Variants in SLC44A1 observed in about 807,000 individuals in gnomAD.
SLC44A1 encodes the protein solute carrier family 44 member 1.
SLC44A1 carries 26 observed loss-of-function variants against 79.3 expected under a neutral mutation model. The observed-to-expected ratio is 0.33, with a 90% CI of 0.24 to 0.46. The LOEUF (loss-of-function observed/expected upper bound fraction) is 0.46. Ranked by LOEUF, SLC44A1 falls within the 20% of genes least tolerant of loss-of-function variation. The pLI, the probability that SLC44A1 is intolerant of heterozygous loss-of-function variation, is 1.00. For synonymous variants in SLC44A1, 263 were observed against 286.2 expected (o/e 0.92, Z 0.82); for missense variants, 688 against 798.1 (o/e 0.86, Z 1.66).
chr9:105,244,797 G>GCCCGATACCTCTC lies in SLC44A1; in HGVS notation c.-72_-71insCCCGATACCTCTC. The GCCCGATACCTCTC allele has an allele frequency of 1.0e-6, 1 of 1,001,114 alleles. No homozygotes were observed. Among genetic ancestry groups the GCCCGATACCTCTC allele is most frequent in the Non-Finnish European group, 1.2e-6 (1 of 809,214 alleles). The allele number at this position is 1,001,114 out of a possible 1,614,324, so 62.0% of individuals were successfully genotyped here. A position where few individuals can be genotyped will look rare whatever the true frequency, so the allele number is the denominator to read the frequency against. The stretch of plus-strand genomic sequence containing the variant: ...GCCGCGCCCTCCCCGGGCGCCCGCC[G>GCCCGATACCTCTC]GCTCGCATGCCGAGGGGCTCCGGGG... On this transcript the variant is annotated 5_prime_UTR_variant, in exon 1 of 16. Transcript: ENST00000374720.
At chr9:105,434,721 C>T (rs1829442029) in intron 15 of SLC44A1, among the ~76,000 whole-genome samples, 1 of 152,234 alleles carries the variant, frequency 6.6e-6, no homozygotes, top group East Asian at 1.9e-4. Flanking sequence ...TAGATTATGC[C>T]GTGAGTTTTC....
intron 3 of SLC44A1, among the ~76,000 whole-genome samples, chr9:105,311,417 A>AT (rs1223019150): frequency 2.6e-5 from 4 of 152,154 alleles, no homozygotes; most frequent in African/African-American, 9.7e-5. Flanking sequence ...GATTGGAATC[A>AT]TTTTTATGGC....
At chr9:105,301,973 A>C (rs2131293581) in intron 2 of SLC44A1, among the ~76,000 whole-genome samples, 1 of 152,272 alleles carries the variant, frequency 6.6e-6, no homozygotes, top group East Asian at 1.9e-4. Context: ...TCTAGTTCTT[A>C]AATATTCTAA....
In SLC44A1 at chr9:105,415,297, A is replaced by T. The variant is rs1829152893; in HGVS notation, c.1951-22984A>T. Among the ~76,000 whole-genome samples, 4 of 152,216 alleles carry T rather than the reference A, an allele frequency of 2.6e-5. No homozygotes were observed. In the South Asian group the frequency reaches 8.3e-4, roughly 32 times the overall value. ...ACAATAGGGGGTGCAAGGAAGGTAA[A>T]AAAGGCAGCGTTTAAAACAGAAATT... On this transcript the variant is annotated intron_variant, in intron 15 of 15. Coordinates refer to the SLC44A1 transcript ENST00000374724.
At position 105,395,656 on chromosome 9, in the gene SLC44A1, C is replaced by G; in HGVS notation, c.*6600C>G. ...GCCCTTTTGTCACAGAAGTGTAAGA[C>G]TTAAAGGGAATATTCTGACCTTCGT... On this transcript the variant is annotated 3_prime_UTR_variant, in exon 16 of 16. Transcript: ENST00000374720. 2.5e-5 allele frequency: 25 copies of G among 985,296 alleles called. No individual in the cohort carries two copies. Among genetic ancestry groups the G allele is most frequent in the Non-Finnish European group, 2.9e-5 (24 of 829,886 alleles). The allele number at this position is 985,296 out of a possible 1,614,324, so 61.0% of individuals were successfully genotyped here.
intron 1 of SLC44A1, among the ~76,000 whole-genome samples, chr9:105,265,828 C>A (rs947894078): frequency 3.3e-5 from 5 of 152,164 alleles, no homozygotes; most frequent in African/African-American, 1.2e-4. Context: ...TTAGTGATAT[C>A]CCACTGTGGT....
chr9:105,374,428 G>C (rs1206962015), intron 12 of SLC44A1, among the ~76,000 whole-genome samples, 170 bp from the exon 13 acceptor site: 2 of 152,184 alleles, frequency 1.3e-5, no homozygotes, highest in Non-Finnish European at 2.9e-5. Flanking sequence ...ACCATATGAG[G>C]CTTTAAATCT....
At chr9:105,293,195 T>C (rs1830643801) in intron 1 of SLC44A1, among the ~76,000 whole-genome samples, 1 of 152,230 alleles carries the variant, frequency 6.6e-6, no homozygotes, top group African/African-American at 2.4e-5. Context: ...AGCAGCTTCA[T>C]ATAATTGACT....
downstream of SLC44A1, among the ~76,000 whole-genome samples, chr9:105,400,501 G>GAA (rs1588869708): frequency 1.1e-4 from 16 of 151,114 alleles, no homozygotes; most frequent in East Asian, 1.4e-3. Flanking sequence ...AAAAGAAAAA[G>GAA]AAAAAGAAAA....
chr9:105,437,748 G>A (rs1260402127), intron 15 of SLC44A1, among the ~76,000 whole-genome samples: 3 of 152,098 alleles, frequency 2.0e-5, no homozygotes, highest in Non-Finnish European at 4.4e-5. Context: ...GGAATTACAG[G>A]AGTGAAAAAT....
In SLC44A1 at chr9:105,299,289, A is replaced by C. The variant is rs1830813759; in HGVS notation, c.106A>C (p.Ile36Leu). Residue 36 changes from isoleucine (I) to leucine (L), a missense_variant, in exon 2 of 16, where the codon ATC (isoleucine) becomes CTC (leucine). By Grantham distance (5) the Ile-to-Leu change is conservative. Transcript: ENST00000374720. ...AGACATACCATGGCTGCTGCTCTTCATCCTCTTCTGCATTGGGATGGTAAG... is the reference window on the plus strand; with the variant it reads ...AGACATACCATGGCTGCTGCTCTTCCTCCTCTTCTGCATTGGGATGGTAAG... ...CTDIPWLLLF[I>L]LFCIGMGFIC... 2.5e-6 allele frequency: 4 copies of C among 1,592,116 alleles called. No homozygotes were observed. The highest frequency in any genetic ancestry group is 3.4e-6 in the Non-Finnish European group (4 of 1,172,510).
chr9:105,249,644 C>G (rs1829534441), intron 1 of SLC44A1, among the ~76,000 whole-genome samples: 1 of 151,134 alleles, frequency 6.6e-6, no homozygotes, highest in African/African-American at 2.4e-5. Context: ...ACTGCCTCAG[C>G]TTCTCAAGTA....
At chr9:105,322,273 T>C (rs755279009) in intron 3 of SLC44A1, among the ~76,000 whole-genome samples, 5 of 152,192 alleles carry the variant, frequency 3.3e-5, no homozygotes, top group Non-Finnish European at 7.3e-5. Flanking sequence ...TATTGGACAC[T>C]TTGGACTTTA....
intron 3 of SLC44A1, among the ~76,000 whole-genome samples, chr9:105,315,287 T>C (rs1588769487): frequency 6.8e-6 from 1 of 147,954 alleles, no homozygotes; most frequent in Non-Finnish European, 1.5e-5. Flanking sequence ...TTTTTTTTTT[T>C]ACCATTTGTA....
At chr9:105,300,890 C>A (rs1356367181) in intron 2 of SLC44A1, among the ~76,000 whole-genome samples, 1 of 151,706 alleles carries the variant, frequency 6.6e-6, no homozygotes, top group Non-Finnish European at 1.5e-5. Context: ...ATTCTCCTTA[C>A]ACAGCCTCCC....
chr9:105,404,327 T>C (rs954081773), intron 15 of SLC44A1, among the ~76,000 whole-genome samples: 1 of 151,128 alleles, frequency 6.6e-6, no homozygotes, highest in African/African-American at 2.4e-5. Flanking sequence ...GATTGGTTGG[T>C]GTAAGGGGCC....
At chr9:105,291,938 AC>A (rs970686263) in intron 1 of SLC44A1, among the ~76,000 whole-genome samples, 18 of 152,182 alleles carry the variant, frequency 1.2e-4, no homozygotes, top group African/African-American at 4.1e-4. Flanking sequence ...AGTAGTTAAT[AC>A]TTTTATACCT....
chr9:105,364,301 TAAG>T (rs2131416652), intron 9 of SLC44A1, among the ~76,000 whole-genome samples: 1 of 152,300 alleles, frequency 6.6e-6, no homozygotes, highest in South Asian at 2.1e-4. Context: ...ATTGATAATA[TAAG>T]AAGAGTTTTA....
chr9:105,295,140 T>C (rs1351012391), intron 1 of SLC44A1, among the ~76,000 whole-genome samples: 1 of 152,208 alleles, frequency 6.6e-6, no homozygotes, highest in Non-Finnish European at 1.5e-5. Flanking sequence ...TTGATTTTTG[T>C]TTTCCTATTC....
Sources: allele counts gnomAD v4.1 joint callset (sites outside exome capture counted in the v4.1 genomes callset), GRCh38; gene constraint gnomAD v4.1.1; transcripts MANE v1.5; gene names NCBI Gene and HGNC (gene_info 2026-07-23, HGNC 2026-07-21).